NRG2: variants seen among roughly 807,000 people sequenced by gnomAD.
NRG2 encodes neuregulin 2.
In NRG2, 27 loss-of-function variants were observed where a neutral mutation model predicts 73.9. That is an observed-to-expected ratio of 0.37 (90% confidence interval 0.27 to 0.50). NRG2 has a LOEUF of 0.50. Among genes scored for constraint, NRG2 ranks in the 20% least tolerant of loss-of-function variants. The pLI, the probability that NRG2 is intolerant of heterozygous loss-of-function variation, is 0.96. For missense variants in NRG2, 1,126 were observed against 1,210.1 expected (o/e 0.93, Z 1.03); for synonymous variants, 532 against 541.0 (o/e 0.98, Z 0.23).
intron 1 of NRG2, among the ~76,000 whole-genome samples, chr5:139,936,727 T>G (rs1398295522): frequency 6.6e-6 from 1 of 152,230 alleles, no homozygotes; most frequent in African/African-American, 2.4e-5. Flanking sequence ...ATTCCAATAT[T>G]CCTCATGAAT....
intron 1 of NRG2, among the ~76,000 whole-genome samples, chr5:139,907,959 ATT>A (rs973868397): frequency 1.3e-5 from 2 of 152,136 alleles, no homozygotes; most frequent in African/African-American, 4.8e-5. Flanking sequence ...CACTTTACAC[ATT>A]TTCTCTCTTG....
chr5:139,885,849 C>T (rs1427434971), intron 2 of NRG2, among the ~76,000 whole-genome samples: 2 of 151,932 alleles, frequency 1.3e-5, no homozygotes, highest in Non-Finnish European at 1.5e-5. Context: ...TCCTGACTTT[C>T]GTCACTGCAG....
chr5:139,899,981 T>C (rs951165479), intron 1 of NRG2, among the ~76,000 whole-genome samples: 1 of 152,226 alleles, frequency 6.6e-6, no homozygotes, highest in Non-Finnish European at 1.5e-5. Context: ...CTATACTTTA[T>C]AGTATCAGTA....
In NRG2 at chr5:139,847,824, TA is replaced by T. The variant is rs1761086618; in HGVS notation, c.*92del. ...CTTTTATAGAAAATAAAAATATTTT[TA>T]TTTCTTTTTTCCTCCTTTCTCTCCA... On this transcript the variant is annotated 3_prime_UTR_variant, in exon 10 of 10. Transcript: ENST00000361474. The T allele has an allele frequency of 1.3e-6, 1 of 753,598 alleles. No individual in the cohort carries two copies. The highest frequency in any genetic ancestry group is 1.8e-5 in the African/African-American group (1 of 54,724). 46.7% of individuals were successfully genotyped at this position (753,598 alleles called of 1,614,324 possible). A position where few individuals can be genotyped will look rare whatever the true frequency, so the allele number is the denominator to read the frequency against.
chr5:139,979,163 C>A (rs967027989), intron 1 of NRG2, among the ~76,000 whole-genome samples: 3 of 151,616 alleles, frequency 2.0e-5, no homozygotes, highest in African/African-American at 7.3e-5. Flanking sequence ...TGCAGCACAC[C>A]AACATGGCAC....
At chr5:139,877,798 A>G (rs1763277344) in intron 3 of NRG2, among the ~76,000 whole-genome samples, 1 of 152,220 alleles carries the variant, frequency 6.6e-6, no homozygotes, top group South Asian at 2.1e-4. Context: ...CCACAACGGG[A>G]AAACCAAAGA....
At chr5:139,938,878 GAGAAGGAAAGAAAGAAAGAAAGA>G (rs1350925494) in intron 1 of NRG2, among the ~76,000 whole-genome samples, 1 of 84,322 alleles carries the variant, frequency 1.2e-5, no homozygotes, top group African/African-American at 7.1e-5. Context: ...GAGAGAGAGA[GAGAAGGAAAGAAAGAAAGAAAGA>G]AAGAAAAGAA....
chr5:140,041,220 A>G (rs1761891043), intron 1 of NRG2, among the ~76,000 whole-genome samples: 1 of 152,242 alleles, frequency 6.6e-6, no homozygotes, highest in African/African-American at 2.4e-5. Flanking sequence ...CAGGACATCT[A>G]TCATAATTCA....
chr5:139,870,670 C>T lies in NRG2; in HGVS notation c.1112+1051G>A, dbSNP rs1211419272. 6.6e-6 allele frequency among the ~76,000 whole-genome samples: 1 copy of T among 152,190 alleles called. No individual in the cohort carries two copies. The highest frequency in any genetic ancestry group is 1.5e-5 in the Non-Finnish European group (1 of 68,026). ...GGGCAGCTTTAGCAACTTGCCAGGG[C>T]TCTAGGCTTGGGCTGCTTTGAAACA... On this transcript the variant is annotated intron_variant, in intron 4 of 9. Transcript: ENST00000361474. This position sits in a 1 kb window ranked among gnomAD's most constrained non-coding sequence, Gnocchi z 4.4.
chr5:140,004,264 A>C (rs1758722943), intron 1 of NRG2, among the ~76,000 whole-genome samples: 1 of 152,222 alleles, frequency 6.6e-6, no homozygotes, highest in Non-Finnish European at 1.5e-5. Context: ...AGTATTCTAC[A>C]ATTAATCAAT....
chr5:139,926,329 G>A (rs1752058095), intron 1 of NRG2, among the ~76,000 whole-genome samples: 1 of 152,152 alleles, frequency 6.6e-6, no homozygotes, highest in South Asian at 2.1e-4. Context: ...GGGAAGGATG[G>A]CCCCACAGAG....
intron 5 of NRG2, among the ~76,000 whole-genome samples, chr5:139,864,385 C>CTTTTTT (rs954495131): frequency 3.0e-5 from 4 of 134,594 alleles, no homozygotes; most frequent in South Asian, 2.4e-4. Flanking sequence ...TCTTCTTCTT[C>CTTTTTT]TTTTTTTTTT....
intron 1 of NRG2, among the ~76,000 whole-genome samples, chr5:140,006,828 CAT>C (rs1047938618): frequency 6.6e-6 from 1 of 152,188 alleles, no homozygotes; most frequent in African/African-American, 2.4e-5. Context: ...CTCCAACAAA[CAT>C]GTTACTTTTC....
intron 1 of NRG2, among the ~76,000 whole-genome samples, chr5:140,016,202 G>C (rs1170542922): frequency 6.6e-6 from 1 of 152,168 alleles, no homozygotes; most frequent in Non-Finnish European, 1.5e-5. Flanking sequence ...GGGTGGTGGT[G>C]CAGGAGAGCT....
intron 1 of NRG2, among the ~76,000 whole-genome samples, chr5:139,979,894 G>C (rs372246095): frequency 2.6e-5 from 4 of 152,208 alleles, no homozygotes; most frequent in East Asian, 1.9e-4. Flanking sequence ...GCTTGTTGCT[G>C]TAAGTCTAAA....
intron 1 of NRG2, among the ~76,000 whole-genome samples, chr5:139,942,642 C>T (rs1307585356): frequency 6.6e-6 from 1 of 152,162 alleles, no homozygotes; most frequent in Non-Finnish European, 1.5e-5. Flanking sequence ...AAATTGTTTG[C>T]CTTGTCTTTA....
In NRG2 at chr5:140,039,383, A is replaced by T. The variant is rs545618209; in HGVS notation, c.700+2987T>A. Reference sequence around the variant, plus strand: ...CCTTTCCACAGAAGGCACAGAAAACACCTCCCTCCATACAATGCAATCTTC... The same window carrying T: ...CCTTTCCACAGAAGGCACAGAAAACTCCTCCCTCCATACAATGCAATCTTC... On this transcript the variant is annotated intron_variant, in intron 1 of 9. Coordinates refer to ENST00000361474, the MANE Select transcript of NRG2 (RefSeq NM_004883.3). Among the ~76,000 whole-genome samples, 10 of 152,156 alleles carry T rather than the reference A, an allele frequency of 6.6e-5. 1 individual carries two copies. In the South Asian group the frequency reaches 2.1e-3, roughly 32 times the overall value.
At position 139,887,169 on chromosome 5, in the gene NRG2, T is replaced by C. The variant is rs1299195866; in HGVS notation, c.872+171A>G. 6.6e-6 allele frequency among the ~76,000 whole-genome samples: 1 copy of C among 152,210 alleles called. No homozygotes were observed. The highest frequency in any genetic ancestry group is 6.5e-5 in the Admixed American group (1 of 15,284). ...CACCATGACCAGAGGGTCCCCGAGC[T>C]GCAGGAAGAAGGCTGGGAGTGGCAA... is the stretch of plus-strand genomic sequence containing the variant. On this transcript the variant is annotated intron_variant, in intron 2 of 9. Transcript: ENST00000361474. The surrounding 1 kb of genome is among the most constrained non-coding windows in gnomAD (Gnocchi z 4.5).
intron 1 of NRG2, among the ~76,000 whole-genome samples, chr5:139,923,847 C>G (rs1470540199): frequency 6.6e-6 from 1 of 152,184 alleles, no homozygotes; most frequent in Non-Finnish European, 1.5e-5. Flanking sequence ...CTGAAGGGAG[C>G]AGCAACTCAG....
Sources: allele counts gnomAD v4.1 joint callset (sites outside exome capture counted in the v4.1 genomes callset), GRCh38; gene constraint gnomAD v4.1.1; non-coding constraint Gnocchi (gnomAD v3.1); transcripts MANE v1.5; gene names NCBI Gene and HGNC (gene_info 2026-07-23, HGNC 2026-07-21).